TUSC3: variants seen among roughly 807,000 people sequenced by gnomAD.
TUSC3 encodes the protein tumor suppressor candidate 3, also known as dolichyl-diphosphooligosaccharide--protein glycosyltransferase subunit TUSC3.
TUSC3 carries 45 observed loss-of-function variants against 44.8 expected under a neutral mutation model. The ratio of observed to expected loss-of-function variants is 1.00; its 90% CI spans 0.79 to 1.29. The LOEUF (loss-of-function observed/expected upper bound fraction) is 1.29. TUSC3 is among the 50% of genes most tolerant of loss of function. The pLI is 0.00. For missense variants in TUSC3, 519 were observed against 437.9 expected, an observed-to-expected ratio of 1.19 and a Z score of -1.65; for synonymous variants, 212 against 152.9, an observed-to-expected ratio of 1.39 and a Z score of -2.85.
At chr8:15,746,807 A>G (rs1235481560) in intron 8 of TUSC3, among the ~76,000 whole-genome samples, 1 of 152,160 alleles carries the variant, frequency 6.6e-6, no homozygotes, top group Non-Finnish European at 1.5e-5. Context: ...TTTGGGAAGT[A>G]TAGAGTAAAT....
At chr8:15,723,349 CAA>C (rs1261162353) in intron 6 of TUSC3, among the ~76,000 whole-genome samples, 4 of 152,084 alleles carry the variant, frequency 2.6e-5, no homozygotes, top group Non-Finnish European at 5.9e-5. Context: ...GGCAAGTAAT[CAA>C]GATTTGTCAC....
intron 2 of TUSC3, among the ~76,000 whole-genome samples, chr8:15,626,996 C>T (rs563557926): frequency 3.3e-5 from 5 of 152,192 alleles, no homozygotes; most frequent in Non-Finnish European, 5.9e-5. Flanking sequence ...GCTGGGCTGC[C>T]GGTCCCGTTG....
chr8:15,447,040 C>A (rs1455313764), intron 1 of TUSC3, among the ~76,000 whole-genome samples: 1 of 151,180 alleles, frequency 6.6e-6, no homozygotes, highest in African/African-American at 2.4e-5. Flanking sequence ...AATACTGTTT[C>A]CCAAATGCAG....
chr8:15,727,662 C>G (rs1166360743), intron 6 of TUSC3, among the ~76,000 whole-genome samples: 1 of 152,120 alleles, frequency 6.6e-6, no homozygotes, highest in Non-Finnish European at 1.5e-5. Context: ...GTTCAGCACA[C>G]TAAGTTCACT....
At chr8:15,547,473 A>C (rs954470711) in intron 1 of TUSC3, among the ~76,000 whole-genome samples, 1 of 151,696 alleles carries the variant, frequency 6.6e-6, no homozygotes, top group Admixed American at 6.6e-5. Flanking sequence ...ACCTTAGTAT[A>C]ACTTACTGAA....
At chr8:15,607,270 G>T (rs546634417) in intron 1 of TUSC3, among the ~76,000 whole-genome samples, 1 of 152,056 alleles carries the variant, frequency 6.6e-6, no homozygotes, top group Non-Finnish European at 1.5e-5. Flanking sequence ...AATGAGGCAG[G>T]CACCGGCCTG....
At chr8:15,511,228 T>C (rs1247681869) in intron 2 of TUSC3, among the ~76,000 whole-genome samples, 3 of 151,512 alleles carry the variant, frequency 2.0e-5, no homozygotes, top group Non-Finnish European at 4.4e-5. Flanking sequence ...CTGGAATGAA[T>C]TTCTCTCCAG....
intron 1 of TUSC3, among the ~76,000 whole-genome samples, chr8:15,601,260 G>T (rs1007064833): frequency 6.6e-6 from 1 of 151,568 alleles, no homozygotes; most frequent in Admixed American, 6.6e-5. Flanking sequence ...GAATTTGTCA[G>T]TCTATAAAAT....
chr8:15,457,193 G>A (rs1306257774), intron 1 of TUSC3, among the ~76,000 whole-genome samples: 1 of 150,824 alleles, frequency 6.6e-6, no homozygotes, highest in African/African-American at 2.4e-5. Context: ...GGGAGGGTTA[G>A]CATTAGGAGA....
intron 10 of TUSC3, among the ~76,000 whole-genome samples, chr8:15,763,279 G>A (rs1347965093): frequency 6.6e-6 from 1 of 151,816 alleles, no homozygotes; most frequent in Non-Finnish European, 1.5e-5. Context: ...CACTAATGAG[G>A]AAACCGAGGT....
At chr8:15,647,094 T>C (rs1248384264) in intron 2 of TUSC3, among the ~76,000 whole-genome samples, 1 of 152,196 alleles carries the variant, frequency 6.6e-6, no homozygotes, top group Non-Finnish European at 1.5e-5. Context: ...TATATTGTCA[T>C]AGTTCATAAT....
chr8:15,823,276 GA>G, the TUSC3 span, among the ~76,000 whole-genome samples: 1 of 152,068 alleles, frequency 6.6e-6, no homozygotes, highest in African/African-American at 2.4e-5. Flanking sequence ...CTTTTCTGGT[GA>G]AGTCCAAATT....
chr8:15,686,105 C>G (rs918952412), intron 6 of TUSC3, among the ~76,000 whole-genome samples: 2 of 151,974 alleles, frequency 1.3e-5, no homozygotes, highest in African/African-American at 2.4e-5. Flanking sequence ...AAGTCAAGTA[C>G]TAATGGTCCA....
upstream of TUSC3, among the ~76,000 whole-genome samples, chr8:15,539,956 C>A (rs1440783291): frequency 6.6e-6 from 1 of 152,092 alleles, no homozygotes; most frequent in African/African-American, 2.4e-5. Context: ...TGCTGGGGAC[C>A]GCAGGGGCCA....
chr8:15,662,158 T>G lies in TUSC3; in HGVS notation c.570T>G (p.Ile190Met), dbSNP rs761294671. 2 of 1,612,648 alleles carry G rather than the reference T, an allele frequency of 1.2e-6. No individual in the cohort carries two copies. ...KWIADRTDVH[I>M]RVFRPPNYSG... ...AAATTTCTATTGCATTTTTGCAGAT[T>G]CGGGTTTTCAGACCACCCAACTACT... The change falls in exon 5 of 11, where the codon ATT (isoleucine) becomes ATG (methionine). Residue 190 changes from isoleucine (I) to methionine (M), a missense_variant and splice_region_variant. Coordinates refer to ENST00000503731, the MANE Select transcript of TUSC3 (RefSeq NM_006765.4).
the TUSC3 span, among the ~76,000 whole-genome samples, chr8:15,838,908 G>C: frequency 6.6e-6 from 1 of 152,172 alleles, no homozygotes; most frequent in South Asian, 2.1e-4. Flanking sequence ...GTCATTGGTA[G>C]CTCAATGGGG....
At chr8:15,729,380 G>C (rs1030238649) in intron 6 of TUSC3, among the ~76,000 whole-genome samples, 1 of 152,140 alleles carries the variant, frequency 6.6e-6, no homozygotes, top group African/African-American at 2.4e-5. Context: ...TCAGTTACTA[G>C]TTGTGCAATC....
At chr8:15,755,934 C>T (rs889739037) in intron 9 of TUSC3, among the ~76,000 whole-genome samples, 13 of 152,050 alleles carry the variant, frequency 8.5e-5, no homozygotes, top group African/African-American at 2.4e-5. Context: ...ACTCTGTGCT[C>T]ACAAAAGTTT....
At chr8:15,593,377 C>G (rs373687485) in intron 1 of TUSC3, among the ~76,000 whole-genome samples, 39 of 152,298 alleles carry the variant, frequency 2.6e-4, no homozygotes, top group Non-Finnish European at 4.6e-4. Flanking sequence ...TGAGCCACCA[C>G]ACCCGGTCAG....
Sources: allele counts gnomAD v4.1 joint callset (sites outside exome capture counted in the v4.1 genomes callset), GRCh38; gene constraint gnomAD v4.1.1; transcripts MANE v1.5; gene names NCBI Gene and HGNC (gene_info 2026-07-23, HGNC 2026-07-21).